TMEM161B: variants seen among roughly 807,000 people sequenced by gnomAD.
TMEM161B encodes transmembrane protein 161B.
Under a neutral mutation model 61.8 loss-of-function variants are expected in TMEM161B, and 34 were observed. The ratio of observed to expected loss-of-function variants is 0.55; its 90% CI spans 0.42 to 0.73. The LOEUF (loss-of-function observed/expected upper bound fraction) is 0.73, where lower values mean the gene tolerates loss of function less well. Ranked by LOEUF, TMEM161B falls within the 30% of genes least tolerant of loss-of-function variation. TMEM161B has a pLI of 0.00. For synonymous variants in TMEM161B, 167 were observed against 192.8 expected (o/e 0.87, Z 1.11); for missense variants, 456 against 558.5 (o/e 0.82, Z 1.85).
chr5:88,233,470 A>G (rs1394777846), intron 2 of TMEM161B, among the ~76,000 whole-genome samples: 1 of 152,214 alleles, frequency 6.6e-6, no homozygotes, highest in African/African-American at 2.4e-5. Context: ...AAGGAGAAAC[A>G]TAAGAGGGGA....
At chr5:88,191,746 A>T (rs1405695406), downstream of TMEM161B, among the ~76,000 whole-genome samples, 3 of 151,636 alleles carry the variant, frequency 2.0e-5, no homozygotes, top group Non-Finnish European at 4.4e-5. Flanking sequence ...TCACGAGGTC[A>T]GGAGATCGAG....
At chr5:88,245,944 C>G (rs1328665684) in intron 1 of TMEM161B, among the ~76,000 whole-genome samples, 2 of 151,790 alleles carry the variant, frequency 1.3e-5, no homozygotes. Flanking sequence ...CTTCAGTACC[C>G]AGAAGAGAAA....
downstream of TMEM161B, among the ~76,000 whole-genome samples, chr5:88,193,617 A>G (rs939955087): frequency 2.3e-4 from 35 of 152,192 alleles, no homozygotes; most frequent in African/African-American, 7.7e-4. Context: ...ATGAATTAAC[A>G]GAACTTTAGG....
At chr5:88,254,377 A>C (rs1305344988) in intron 1 of TMEM161B, among the ~76,000 whole-genome samples, 3 of 152,228 alleles carry the variant, frequency 2.0e-5, no homozygotes, top group Non-Finnish European at 4.4e-5. Context: ...TCATCTCCTA[A>C]GAACCACAAT....
At chr5:88,211,768 CAAAAAAAAA>C (rs61376905) in intron 5 of TMEM161B, among the ~76,000 whole-genome samples, 4 of 116,564 alleles carry the variant, frequency 3.4e-5, no homozygotes, top group African/African-American at 1.3e-4. Context: ...GAACTCCATC[CAAAAAAAAA>C]AAAAAAAAGT....
In TMEM161B at chr5:88,199,132, G is replaced by A. The variant is rs756368846; in HGVS notation, c.933C>T (p.Phe311=). The A allele has an allele frequency of 5.3e-5, 85 of 1,609,470 alleles. No individual in the cohort carries two copies. The highest frequency in any genetic ancestry group is 1.6e-4 in the Middle Eastern group (1 of 6,068). The change falls in exon 10 of 12, where the codon TTC becomes TTT. Residue 311 remains phenylalanine (F), a synonymous_variant. Transcript: ENST00000296595. ...ESIPLMTEAT[F]DTLRLWLIIL... The stretch of plus-strand genomic sequence containing the variant: ...TTATTAACCAGAGTCGCAGAGTATC[G>A]AATGTGGCTTCTGTCATTCTACAGA...
Position 88,262,725 on chromosome 5 carries a change from C to G in TMEM161B, c.3+5996G>C, listed in dbSNP as rs1755833083. On this transcript the variant is annotated intron_variant, in intron 1 of 11. Transcript: ENST00000296595. ...CACCAAGAATGAACCCCAAAGTACACTATGGACTTTGGGCAATTATGGTGT... is the reference window on the plus strand; with the variant it reads ...CACCAAGAATGAACCCCAAAGTACAGTATGGACTTTGGGCAATTATGGTGT... Among the ~76,000 whole-genome samples, 2 of 152,020 alleles carry G rather than the reference C, an allele frequency of 1.3e-5. 1 individual carries two copies. The highest frequency in any genetic ancestry group is 4.1e-4 in the South Asian group (2 of 4,824).
chr5:88,194,064 G>C (rs771851504), downstream of TMEM161B, among the ~76,000 whole-genome samples: 19 of 152,104 alleles, frequency 1.2e-4, no homozygotes, highest in Non-Finnish European at 2.4e-4. Context: ...GCACAATGCT[G>C]AGGTTTGGAC....
chr5:88,263,529 A>G (rs1011199704), intron 1 of TMEM161B, among the ~76,000 whole-genome samples: 2 of 152,214 alleles, frequency 1.3e-5, no homozygotes, highest in Non-Finnish European at 2.9e-5. Context: ...CTTTTTTTCT[A>G]TAACTCAAGA....
At chr5:88,258,008 G>C (rs1755199554) in intron 1 of TMEM161B, among the ~76,000 whole-genome samples, 1 of 152,134 alleles carries the variant, frequency 6.6e-6, no homozygotes. Flanking sequence ...TGGCTATCAA[G>C]AGAAAGAACT....
intron 1 of TMEM161B, among the ~76,000 whole-genome samples, chr5:88,249,447 C>A (rs1754043915): frequency 6.6e-6 from 1 of 152,132 alleles, no homozygotes; most frequent in Non-Finnish European, 1.5e-5. Flanking sequence ...TGTTATTTAA[C>A]CTCTTTTCAA....
chr5:88,226,988 A>T (rs534205568), intron 3 of TMEM161B, among the ~76,000 whole-genome samples: 1 of 152,026 alleles, frequency 6.6e-6, no homozygotes, highest in African/African-American at 2.4e-5. Flanking sequence ...CTAGCTGGGT[A>T]TGGTGTTGCA....
intron 1 of TMEM161B, among the ~76,000 whole-genome samples, chr5:88,249,057 C>A (rs180994745): frequency 6.6e-6 from 1 of 152,082 alleles, no homozygotes; most frequent in Admixed American, 6.6e-5. Flanking sequence ...AGTTTTGCCA[C>A]GCAAACTGGG....
At chr5:88,227,751 C>T (rs1750301661) in intron 3 of TMEM161B, among the ~76,000 whole-genome samples, 1 of 152,072 alleles carries the variant, frequency 6.6e-6, no homozygotes, top group Admixed American at 6.5e-5. Context: ...TCACAGGGGA[C>T]CTAAGAAGTC....
intron 1 of TMEM161B, among the ~76,000 whole-genome samples, chr5:88,255,290 C>T (rs1754822605): frequency 6.6e-6 from 1 of 152,184 alleles, no homozygotes; most frequent in South Asian, 2.1e-4. Context: ...GACCAGCAGA[C>T]TTCCTTCCCA....
At chr5:88,264,576 T>A (rs1003270330) in intron 1 of TMEM161B, among the ~76,000 whole-genome samples, 1 of 152,158 alleles carries the variant, frequency 6.6e-6, no homozygotes, top group East Asian at 1.9e-4. Context: ...AGCAATCCCA[T>A]TACTGGGTAT....
intron 5 of TMEM161B, among the ~76,000 whole-genome samples, chr5:88,208,004 T>C (rs1012080788): frequency 1.3e-5 from 2 of 152,180 alleles, no homozygotes; most frequent in African/African-American, 2.4e-5. Context: ...CACATTATTA[T>C]TGCTACTTTA....
At position 88,206,507 on chromosome 5, in the gene TMEM161B, G is replaced by GAA. The variant is rs752638581; in HGVS notation, c.599-9_599-8insTT. The stretch of plus-strand genomic sequence containing the variant: ...CTGAAAAATTTGTAAACCCTGTGGG[G>GAA]GAAAAAAAAAAAAACAACAGATTAC... On this transcript the variant is annotated splice_polypyrimidine_tract_variant and intron_variant, in intron 6 of 11. Coordinates refer to ENST00000296595, the MANE Select transcript of TMEM161B (RefSeq NM_153354.5). The GAA allele has an allele frequency of 3.7e-3, 4,526 of 1,221,342 alleles. 11 individuals are homozygous for GAA. The highest frequency in any genetic ancestry group is 6.7e-3 in the South Asian group (413 of 61,482). The allele number at this position is 1,221,342 out of a possible 1,614,324, so 75.7% of individuals were successfully genotyped here. A position where few individuals can be genotyped will look rare whatever the true frequency, so the allele number is the denominator to read the frequency against.
intron 1 of TMEM161B, among the ~76,000 whole-genome samples, chr5:88,267,745 CT>C (rs927613984): frequency 2.0e-5 from 3 of 152,192 alleles, no homozygotes; most frequent in Non-Finnish European, 2.9e-5. Flanking sequence ...CCATACCCCC[CT>C]ACCCCTTGTT....
Sources: gnomAD v4.1 joint callset for allele counts (sites outside exome capture counted in the v4.1 genomes callset) on GRCh38, gnomAD v4.1.1 for gene constraint, MANE v1.5 for transcripts, NCBI Gene and HGNC (gene_info 2026-07-23, HGNC 2026-07-21) for gene names.